The following ZNF831 variants were observed in gnomAD, a reference collection of about 807,000 sequenced individuals.
ZNF831 encodes zinc finger protein 831.
A neutral mutation model predicts 95.8 loss-of-function variants in ZNF831; 59 were observed. The ratio of observed to expected loss-of-function variants is 0.62; its 90% CI spans 0.50 to 0.77. ZNF831 has a LOEUF of 0.77. Ranked by LOEUF, ZNF831 falls within the 30% of genes least tolerant of loss-of-function variation. The probability of loss-of-function intolerance (pLI) is 0.00; values close to 1 mark genes in which losing one functional copy is unlikely to be tolerated. For missense variants in ZNF831, 2,205 were observed against 2,164.0 expected (o/e 1.02, Z -0.38); for synonymous variants, 961 against 925.5 (o/e 1.04, Z -0.70).
intron 1 of ZNF831, among the ~76,000 whole-genome samples, chr20:59,127,481 A>C (rs1173550800): frequency 1.3e-5 from 2 of 152,110 alleles, no homozygotes; most frequent in African/African-American, 4.8e-5. Context: ...TCCTGTTCCC[A>C]GCCAGCCCCA....
At chr20:59,240,605 T>A (rs1021609865) in intron 4 of ZNF831, among the ~76,000 whole-genome samples, 1 of 151,850 alleles carries the variant, frequency 6.6e-6, no homozygotes, top group Non-Finnish European at 1.5e-5. Flanking sequence ...ATGGAGACCA[T>A]CCTGGCTAAC....
At chr20:59,186,723 G>T (rs1983074573) in intron 1 of ZNF831, among the ~76,000 whole-genome samples, 1 of 152,206 alleles carries the variant, frequency 6.6e-6, no homozygotes, top group African/African-American at 2.4e-5. Context: ...GCAGCTACCT[G>T]TTAATCTCTA....
chr20:59,219,120 C>A (rs1985906625), intron 4 of ZNF831, among the ~76,000 whole-genome samples: 1 of 152,176 alleles, frequency 6.6e-6, no homozygotes, highest in Non-Finnish European at 1.5e-5. Context: ...TCCATGCAGA[C>A]ATGGGGAAAC....
chr20:59,202,603 G>A (rs1984612575), intron 3 of ZNF831, among the ~76,000 whole-genome samples: 2 of 152,100 alleles, frequency 1.3e-5, no homozygotes, highest in South Asian at 2.1e-4. Context: ...GGCAGGTGGT[G>A]GGGTAGGGAG....
chr20:59,207,122 C>A, intron 4 of ZNF831, 66 bp downstream of exon 4: 1 of 1,570,610 alleles, frequency 6.4e-7, no homozygotes, highest in Non-Finnish European at 8.6e-7. Flanking sequence ...GGCATAGACA[C>A]TGGGGATTTG....
intron 1 of ZNF831, among the ~76,000 whole-genome samples, chr20:59,127,224 C>T (rs369964466): frequency 1.4e-4 from 21 of 152,272 alleles, no homozygotes; most frequent in African/African-American, 4.3e-4. Context: ...GGCCATTTGT[C>T]GCACCTCCAT....
chr20:59,186,405 C>T (rs1983041203), intron 1 of ZNF831, among the ~76,000 whole-genome samples: 1 of 152,074 alleles, frequency 6.6e-6, no homozygotes, highest in Non-Finnish European at 1.5e-5. Flanking sequence ...GTTAATAGTT[C>T]AAAATATTAT....
At chr20:59,232,994 GCACACACACACACACACACACACA>G (rs59267396) in intron 4 of ZNF831, among the ~76,000 whole-genome samples, 8 of 122,984 alleles carry the variant, frequency 6.5e-5, no homozygotes, top group South Asian at 3.1e-4. Flanking sequence ...GGACCCTGAG[GCACACACACACACACACACACACA>G]CACACACACA....
At position 59,208,844 on chromosome 20, in the gene ZNF831, TCCAACAGAATCAGCCAGAGCTCTG is replaced by T. The variant is rs1474983389; in HGVS notation, c.4027+1792_4027+1815del. On this transcript the variant is annotated intron_variant, in intron 4 of 5. Transcript: ENST00000371030. The surrounding 1 kb of genome is among the most constrained non-coding windows in gnomAD (Gnocchi z 4.2). ...GAGGTTCTGATGGTCACTGGTGGAA[TCCAACAGAATCAGCCAGAGCTCTG>T]CCAGTTGCCCCCATGGAGGAGCTTA... 3.3e-5 allele frequency among the ~76,000 whole-genome samples: 5 copies of T among 151,996 alleles called. No homozygotes were observed. The highest frequency in any genetic ancestry group is 7.4e-5 in the Non-Finnish European group (5 of 67,994).
Position 59,191,770 on chromosome 20 carries a change from C to T in ZNF831, c.751C>T (p.His251Tyr), listed in dbSNP as rs753159528. The T allele has an allele frequency of 1.2e-6, 2 of 1,611,158 alleles. No homozygotes were observed. The highest frequency in any genetic ancestry group is 1.7e-6 in the Non-Finnish European group (2 of 1,178,844). The change falls in exon 2 of 6, where the codon CAC becomes TAC. Residue 251 changes from histidine (H) to tyrosine (Y), a missense_variant. Coordinates refer to ENST00000371030, the MANE Select transcript of ZNF831 (RefSeq NM_178457.3). ...GGAGAGACCCCTTTCTCCGGGTGCCCACGTGCCCCTACTTGCCAAGAACCT... is the reference window on the plus strand; with the variant it reads ...GGAGAGACCCCTTTCTCCGGGTGCCTACGTGCCCCTACTTGCCAAGAACCT... ...ASERPLSPGA[H>Y]VPLLAKNLDV...
chr20:59,170,479 C>T (rs906469046), intron 1 of ZNF831, among the ~76,000 whole-genome samples: 4 of 152,214 alleles, frequency 2.6e-5, no homozygotes, highest in Middle Eastern at 6.8e-3. Context: ...AGTTTGATTC[C>T]GTTGTCGTCA....
rs900524434 is a variant in ZNF831 at position 59,206,933 on chromosome 20, G to A, written c.3904G>A (p.Val1302Ile). 6.2e-7 allele frequency: 1 copy of A among 1,614,206 alleles called. No homozygotes were observed. The highest frequency in any genetic ancestry group is 2.2e-5 in the East Asian group (1 of 44,888). Residue 1302 changes from valine (V) to isoleucine (I), a missense_variant, in exon 4 of 6, where the codon GTT becomes ATT. Val to Ile is a conservative substitution (Grantham distance 29). Transcript: ENST00000371030. Reference sequence around the variant, plus strand: ...CAAAGGGAATTTCTTGCAGAGCTGTGTTCAGCTGAGAGCCAGTAGACTTCG... The same window carrying A: ...CAAAGGGAATTTCTTGCAGAGCTGTATTCAGCTGAGAGCCAGTAGACTTCG... ...RYKGNFLQSCVQLRASRLRTP... is the reference protein window; with the variant it reads ...RYKGNFLQSCIQLRASRLRTP...
chr20:59,234,017 A>G (rs1372630177), intron 4 of ZNF831, among the ~76,000 whole-genome samples: 4 of 152,160 alleles, frequency 2.6e-5, no homozygotes, highest in African/African-American at 7.2e-5. Flanking sequence ...AGCTTTTTCT[A>G]CTATGGGCTT....
chr20:59,196,419 G>A (rs186842899), intron 3 of ZNF831, among the ~76,000 whole-genome samples: 2 of 152,212 alleles, frequency 1.3e-5, no homozygotes, highest in East Asian at 3.9e-4. Context: ...GATAATCACC[G>A]TGAACATTCA....
chr20:59,136,596 T>C (rs921937035), intron 1 of ZNF831, among the ~76,000 whole-genome samples: 1 of 152,198 alleles, frequency 6.6e-6, no homozygotes, highest in Non-Finnish European at 1.5e-5. Flanking sequence ...GTAGATACTG[T>C]AGCTCCCTCT....
At chr20:59,157,219 C>T (rs1194865450) in intron 2 of ZNF831, among the ~76,000 whole-genome samples, 2 of 152,224 alleles carry the variant, frequency 1.3e-5, no homozygotes, top group Non-Finnish European at 2.9e-5. Context: ...CCCGCCCACT[C>T]CCCTACCCTC....
At chr20:59,202,489 T>C (rs908403623) in intron 3 of ZNF831, among the ~76,000 whole-genome samples, 2 of 152,202 alleles carry the variant, frequency 1.3e-5, no homozygotes, top group African/African-American at 4.8e-5. Flanking sequence ...TTGATATTTT[T>C]GGAACTTTGA....
chr20:59,189,370 C>T (rs1461566723), intron 1 of ZNF831, among the ~76,000 whole-genome samples: 2 of 152,030 alleles, frequency 1.3e-5, no homozygotes, highest in African/African-American at 4.8e-5. Context: ...GTTTATGTAA[C>T]GTATCTTTTA....
At chr20:59,186,447 C>T (rs529098237) in intron 1 of ZNF831, among the ~76,000 whole-genome samples, 3 of 152,268 alleles carry the variant, frequency 2.0e-5, no homozygotes, top group Non-Finnish European at 2.9e-5. Flanking sequence ...ATAAATGGAG[C>T]GCTTACTCTG....
Sources: allele counts gnomAD v4.1 joint callset (sites outside exome capture counted in the v4.1 genomes callset), GRCh38; gene constraint gnomAD v4.1.1; non-coding constraint Gnocchi (gnomAD v3.1); transcripts MANE v1.5; gene names NCBI Gene and HGNC (gene_info 2026-07-23, HGNC 2026-07-21).